Variants in SESN2 observed in about 807,000 individuals in gnomAD.
The protein encoded by SESN2 is sestrin-2.
SESN2 carries 42 observed loss-of-function variants against 56.0 expected under a neutral mutation model. The ratio of observed to expected loss-of-function variants is 0.75; its 90% CI spans 0.59 to 0.97. The LOEUF is 0.97. SESN2 is among the 50% of genes least tolerant of loss of function. The pLI is 0.00. For missense variants in SESN2, 507 were observed against 649.4 expected, an observed-to-expected ratio of 0.78 and a Z score of 2.38; for synonymous variants, 264 against 267.1, an observed-to-expected ratio of 0.99 and a Z score of 0.11.
intron 9 of SESN2, among the ~76,000 whole-genome samples, chr1:28,279,736 G>A (rs1185363775): frequency 6.6e-6 from 1 of 151,850 alleles, no homozygotes; most frequent in Admixed American, 6.6e-5. Flanking sequence ...TAGTAGAGAC[G>A]GGGTTTCACT....
At chr1:28,268,330 T>C (rs1023130491) in intron 1 of SESN2, among the ~76,000 whole-genome samples, 4 of 151,898 alleles carry the variant, frequency 2.6e-5, no homozygotes, top group South Asian at 4.1e-4. Context: ...GGAGGATCCA[T>C]TGAGCCCAGC....
intron 1 of SESN2, among the ~76,000 whole-genome samples, chr1:28,267,376 C>T (rs947937994): frequency 5.9e-5 from 9 of 152,160 alleles, no homozygotes; most frequent in African/African-American, 2.2e-4. Flanking sequence ...TTTCCCAGAG[C>T]CACATAGCAA....
At chr1:28,274,401 G>A (rs1344041163) in intron 7 of SESN2, among the ~76,000 whole-genome samples, 1 of 152,154 alleles carries the variant, frequency 6.6e-6, no homozygotes, top group East Asian at 1.9e-4. Context: ...GGAAGGTGGC[G>A]CATGCCTGTA....
chr1:28,259,558 C>T lies in SESN2; in HGVS notation c.-290C>T. 2.9e-6 allele frequency: 1 copy of T among 339,020 alleles called. No individual in the cohort carries two copies. Among genetic ancestry groups the T allele is most frequent in the Non-Finnish European group, 5.3e-6 (1 of 187,730 alleles). 21.0% of individuals were successfully genotyped at this position (339,020 alleles called of 1,614,324 possible). A position where few individuals can be genotyped will look rare whatever the true frequency, so the allele number is the denominator to read the frequency against. ...GCGGGGATGCTGAGGAGCGCTGGGT[C>T]CGGGAGCAGCCCTGGCCCCTGCGGA... On this transcript the variant is annotated 5_prime_UTR_variant, in exon 1 of 10. Coordinates refer to ENST00000253063, the MANE Select transcript of SESN2 (RefSeq NM_031459.5).
chr1:28,273,905 G>A (rs1181315938), intron 6 of SESN2, 135 bp from the exon 7 acceptor site: 6 of 670,022 alleles, frequency 9.0e-6, no homozygotes, highest in Non-Finnish European at 1.6e-5. Context: ...CTGAAATCTT[G>A]CCCCACTCAC....
rs112998026 is a variant in SESN2, at chr1:28,278,812, T to C, written c.1212-285T>C. Among the ~76,000 whole-genome samples the C allele has an allele frequency of 4.9e-3, 744 of 152,334 alleles. 11 individuals carry two copies. Among genetic ancestry groups the C allele is most frequent in the African/African-American group, 0.017 (712 of 41,562 alleles). On this transcript the variant is annotated intron_variant, in intron 8 of 9. Coordinates refer to ENST00000253063, the MANE Select transcript of SESN2 (RefSeq NM_031459.5). ...GCAGATTGCATACACCATCCAGTCA[T>C]GTACACAGTAGTGTAGAGTAGTTTT... is the stretch of plus-strand genomic sequence containing the variant.
chr1:28,272,540 A>C (rs1240071438), intron 4 of SESN2, 41 bp from the exon 5 acceptor site: 1 of 1,610,158 alleles, frequency 6.2e-7, no homozygotes, highest in Admixed American at 1.7e-5. Flanking sequence ...AACCCAGGGC[A>C]GGCACTGAGC....
At chr1:28,267,205 A>G (rs1464956335) in intron 1 of SESN2, among the ~76,000 whole-genome samples, 3 of 151,910 alleles carry the variant, frequency 2.0e-5, no homozygotes, top group Non-Finnish European at 4.4e-5. Context: ...GTGCTCAGGG[A>G]TTGTGTTGGT....
intron 7 of SESN2, among the ~76,000 whole-genome samples, 187 bp downstream of exon 7, chr1:28,274,345 A>C (rs937382765): frequency 6.6e-6 from 1 of 152,218 alleles, no homozygotes; most frequent in Non-Finnish European, 1.5e-5. Flanking sequence ...TAGCCTGGGC[A>C]ACATGGCGAA....
chr1:28,262,598 G>A (rs1410629195), intron 1 of SESN2, among the ~76,000 whole-genome samples: 2 of 130,900 alleles, frequency 1.5e-5, no homozygotes, highest in Non-Finnish European at 3.1e-5. Context: ...CTCCAGCCTG[G>A]GTGACAGAGC....
intron 8 of SESN2, among the ~76,000 whole-genome samples, chr1:28,278,509 GT>G (rs1361640916): frequency 6.6e-6 from 1 of 152,244 alleles, no homozygotes; most frequent in Admixed American, 6.5e-5. Flanking sequence ...TGAGGTTGCG[GT>G]GAGCCGAGAT....
chr1:28,275,296 TACACACACACAC>T (rs71586836), intron 8 of SESN2, among the ~76,000 whole-genome samples: 2 of 149,560 alleles, frequency 1.3e-5, no homozygotes, highest in African/African-American at 2.5e-5. Context: ...TATACATGCA[TACACACACACAC>T]ACACACACAC....
intron 8 of SESN2, among the ~76,000 whole-genome samples, chr1:28,277,048 C>T (rs906961456): frequency 6.6e-6 from 1 of 151,836 alleles, no homozygotes; most frequent in African/African-American, 2.4e-5. Context: ...CCTGGGATTA[C>T]AGGCACATGC....
Position 28,272,363 on chromosome 1 carries a change from G to T in SESN2, c.434G>T (p.Trp145Leu). 1 of 1,613,982 alleles carries T rather than the reference G, an allele frequency of 6.2e-7. No homozygotes were observed. The highest frequency in any genetic ancestry group is 8.5e-7 in the Non-Finnish European group (1 of 1,180,020). Residue 145 changes from tryptophan (W) to leucine (L), a missense_variant, in exon 4 of 10, where the codon TGG (tryptophan) becomes TTG (leucine). By Grantham distance (61) the Trp-to-Leu change is moderately conservative. Transcript: ENST00000253063. ...CTGCAGACTGGTGGTGACCCTGAGT[G>T]GCTGCTGGGCCTCCACCGGGCCCCC... ...EFLQTGGDPEWLLGLHRAPEK... is the reference protein window; with the variant it reads ...EFLQTGGDPELLLGLHRAPEK...
In SESN2 at chr1:28,271,747, A is replaced by C; in HGVS notation, c.230A>C (p.Asp77Ala). ...LEALMSSGRVDNLAVVMGLHP... is the reference protein window; with the variant it reads ...LEALMSSGRVANLAVVMGLHP... ...GCACTGATGTCCTCTGGGCGAGTAG[A>C]CAACCTGGCAGTGGTGATGGGCCTG... The change falls in exon 3 of 10, where the codon GAC (aspartate) becomes GCC (alanine). Residue 77 changes from aspartate to alanine, a missense_variant. Asp to Ala is a moderately radical substitution (Grantham distance 126). Transcript: ENST00000253063. 1 of 1,614,244 alleles carries C rather than the reference A, an allele frequency of 6.2e-7. No individual in the cohort carries two copies. Among genetic ancestry groups the C allele is most frequent in the Non-Finnish European group, 8.5e-7 (1 of 1,180,034 alleles).
intron 9 of SESN2, among the ~76,000 whole-genome samples, chr1:28,279,498 T>C (rs1371974100): frequency 1.3e-5 from 2 of 152,082 alleles, no homozygotes; most frequent in Non-Finnish European, 2.9e-5. Context: ...CATAACACTA[T>C]CTCTTGATAG....
intron 1 of SESN2, among the ~76,000 whole-genome samples, chr1:28,267,211 T>G (rs6661377): frequency 0.037 from 5,604 of 152,214 alleles, 269 homozygotes; most frequent in African/African-American, 0.12. Context: ...AGGGATTGTG[T>G]TGGTTACTAC....
chr1:28,269,361 T>G (rs1334512579), intron 2 of SESN2, 113 bp downstream of exon 2: 2 of 590,360 alleles, frequency 3.4e-6, no homozygotes, highest in Non-Finnish European at 5.6e-6. Flanking sequence ...GCTATTCCTT[T>G]CTGATTTCTG....
chr1:28,279,342 C>A lies in SESN2; in HGVS notation c.1356+101C>A, dbSNP rs576860514. 5.6e-6 allele frequency: 7 copies of A among 1,244,710 alleles called. No homozygotes were observed. In the South Asian group the frequency reaches 9.8e-5, roughly 17 times the overall value. The allele number at this position is 1,244,710 out of a possible 1,614,324, so 77.1% of individuals were successfully genotyped here. Reference sequence around the variant, plus strand: ...GTGAGAGTCCCCAGACTGAGTCTGTCCTGCTAGGTGGGACACCTGGGCCTA... The same window carrying A: ...GTGAGAGTCCCCAGACTGAGTCTGTACTGCTAGGTGGGACACCTGGGCCTA... On this transcript the variant is annotated intron_variant, in intron 9 of 9. Transcript: ENST00000253063.
Sources: gnomAD v4.1 joint callset for allele counts (sites outside exome capture counted in the v4.1 genomes callset) on GRCh38, gnomAD v4.1.1 for gene constraint, MANE v1.5 for transcripts, NCBI Gene and HGNC (gene_info 2026-07-23, HGNC 2026-07-21) for gene names.